Variants in ZDHHC13 observed in about 807,000 individuals in gnomAD.
ZDHHC13 encodes palmitoyltransferase ZDHHC13.
In ZDHHC13, 85 loss-of-function variants were observed where a neutral mutation model predicts 86.0. The ratio of observed to expected loss-of-function variants is 0.99; its 90% CI spans 0.83 to 1.18. ZDHHC13 has a LOEUF of 1.18. ZDHHC13 is among the 50% of genes most tolerant of loss of function. The pLI is 0.00. For missense variants in ZDHHC13, 711 were observed against 730.2 expected (o/e 0.97, Z 0.30); for synonymous variants, 263 against 246.4 (o/e 1.07, Z -0.63).
At chr11:19,168,413 T>G (rs1016309188) in intron 14 of ZDHHC13, 3 of 152,240 alleles carry the variant, frequency 2.0e-5, no homozygotes, top group Non-Finnish European at 2.9e-5. Flanking sequence ...TCCATCACAT[T>G]CAGTCTTTCC....
At chr11:19,126,719 A>G (rs1365915384) in intron 1 of ZDHHC13, among the ~76,000 whole-genome samples, 3 of 151,774 alleles carry the variant, frequency 2.0e-5, no homozygotes, top group African/African-American at 4.8e-5. Context: ...AACATGCAGT[A>G]TTTGGTTTTC....
intron 15 of ZDHHC13, 52 bp downstream of exon 15, chr11:19,170,620 A>G (rs917519320): frequency 2.8e-6 from 4 of 1,447,654 alleles, no homozygotes; most frequent in Middle Eastern, 1.8e-4. Context: ...TAAAACTTGT[A>G]GTGAGACAGC....
In ZDHHC13 at chr11:19,149,332, G is replaced by A. The variant is rs1486284174; in HGVS notation, c.519+1G>A. ...AGCATATCTCATCTCAAAGGGACAG[G>A]TATGTTCTGAAATGTGTCTTATACT... On this transcript the variant is annotated splice_donor_variant, in intron 5 of 16. Transcript: ENST00000446113. LOFTEE classifies it high-confidence loss of function. 3 of 1,585,694 alleles carry A rather than the reference G, an allele frequency of 1.9e-6. No homozygotes were observed. Among genetic ancestry groups the A allele is most frequent in the African/African-American group, 1.3e-5 (1 of 74,528 alleles).
intron 14 of ZDHHC13, chr11:19,169,376 G>A (rs1043785496): frequency 1.0e-6 from 1 of 985,368 alleles, no homozygotes; most frequent in Non-Finnish European, 1.2e-6. Context: ...GAATGCTTCT[G>A]GCATATATTC....
rs1220855468 is a variant in ZDHHC13 at position 19,159,025 on chromosome 11, A to G, written c.1093A>G (p.Ile365Val). 1 of 1,547,766 alleles carries G rather than the reference A, an allele frequency of 6.5e-7. No individual in the cohort carries two copies. Among genetic ancestry groups the G allele is most frequent in the South Asian group, 1.2e-5 (1 of 83,726 alleles). Residue 365 changes from isoleucine to valine, a missense_variant, in exon 10 of 17, where the codon ATC (isoleucine) becomes GTC (valine). Transcript: ENST00000446113. ...TTTTTGGATATTTATGACTTGGTTC[A>G]TCTTATTTTTTCCTGATATCCTTTA... ...SVFWIFMTWF[I>V]LFFPDLAGAP...
intron 1 of ZDHHC13, among the ~76,000 whole-genome samples, chr11:19,125,480 A>G (rs942868515): frequency 6.6e-6 from 1 of 152,200 alleles, no homozygotes; most frequent in African/African-American, 2.4e-5. Context: ...AGAATGCAGA[A>G]CAATTGTAAC....
At position 19,117,253 on chromosome 11, in the gene ZDHHC13, G is replaced by A; in HGVS notation, c.4G>A (p.Glu2Lys). 1 of 1,511,732 alleles carries A rather than the reference G, an allele frequency of 6.6e-7. No individual in the cohort carries two copies. Among genetic ancestry groups the A allele is most frequent in the Middle Eastern group, 2.3e-4 (1 of 4,270 alleles). The allele number at this position is 1,511,732 out of a possible 1,614,324, so 93.6% of individuals were successfully genotyped here. The change falls in exon 1 of 17, where the codon GAG becomes AAG. Residue 2 changes from glutamate to lysine, a missense_variant. Coordinates refer to ENST00000446113, the MANE Select transcript of ZDHHC13 (RefSeq NM_019028.3). This position sits in a 1 kb window ranked among gnomAD's most constrained non-coding sequence, Gnocchi z 4.2. Reference sequence around the variant, plus strand: ...GCCGCTGTGGGCTCCTGGGGAGATGGAGGGGCCGGGGCTGGGCTCGCAGGT... The same window carrying A: ...GCCGCTGTGGGCTCCTGGGGAGATGAAGGGGCCGGGGCTGGGCTCGCAGGT... M[E>K]GPGLGSQCRN...
chr11:19,163,852 C>T (rs1590088450), intron 11 of ZDHHC13, among the ~76,000 whole-genome samples: 1 of 152,132 alleles, frequency 6.6e-6, no homozygotes, highest in African/African-American at 2.4e-5. Context: ...GGCATGTTTT[C>T]CGTTGCTCAT....
intron 1 of ZDHHC13, among the ~76,000 whole-genome samples, chr11:19,140,034 G>A (rs1349328929): frequency 6.7e-6 from 1 of 150,318 alleles, no homozygotes; most frequent in Non-Finnish European, 1.5e-5. Context: ...AACACCAAAA[G>A]CAATGGCAAC....
chr11:19,137,066 G>A (rs1310857204), intron 1 of ZDHHC13, among the ~76,000 whole-genome samples: 3 of 151,850 alleles, frequency 2.0e-5, no homozygotes, highest in African/African-American at 7.3e-5. Context: ...ACACATAACA[G>A]TATTAACTTT....
At chr11:19,130,466 G>T (rs1231439974) in intron 1 of ZDHHC13, among the ~76,000 whole-genome samples, 1 of 151,954 alleles carries the variant, frequency 6.6e-6, no homozygotes, top group Admixed American at 6.6e-5. Flanking sequence ...CTGATCAAAG[G>T]TTTATCACTT....
intron 1 of ZDHHC13, among the ~76,000 whole-genome samples, chr11:19,138,196 A>C (rs1216941710): frequency 5.3e-5 from 8 of 150,946 alleles, no homozygotes; most frequent in Non-Finnish European, 1.2e-4. Context: ...AGAGAGAAGA[A>C]TCAAATAGAT....
chr11:19,143,996 A>G (rs566454307), intron 2 of ZDHHC13, among the ~76,000 whole-genome samples: 6 of 152,330 alleles, frequency 3.9e-5, no homozygotes, highest in African/African-American at 9.6e-5. Flanking sequence ...TATAATTTCT[A>G]TCAGAAGCAA....
At chr11:19,160,257 T>C (rs1003344903) in intron 10 of ZDHHC13, among the ~76,000 whole-genome samples, 17 of 152,022 alleles carry the variant, frequency 1.1e-4, no homozygotes, top group African/African-American at 3.9e-4. Flanking sequence ...ACAGCATACA[T>C]TGGGGCCATT....
intron 6 of ZDHHC13, 24 bp downstream of exon 6, chr11:19,150,815 A>G (rs759636190): frequency 6.3e-6 from 10 of 1,599,034 alleles, no homozygotes; most frequent in Middle Eastern, 1.7e-4. Context: ...AGTCCACTCA[A>G]TCTCATTCTT....
At chr11:19,149,446 T>C in intron 5 of ZDHHC13, 115 bp downstream of exon 5, 1 of 1,091,480 alleles carries the variant, frequency 9.2e-7, no homozygotes, top group Middle Eastern at 3.2e-4. Context: ...TATCCAGATA[T>C]TCAGATATTA....
rs752080702 is a variant in ZDHHC13 at position 19,152,239 on chromosome 11, C to T, written c.666C>T (p.His222=). 2.8e-5 allele frequency: 45 copies of T among 1,613,300 alleles called. No individual in the cohort carries two copies. The highest frequency in any genetic ancestry group is 5.5e-5 in the South Asian group (5 of 91,052). The change falls in exon 7 of 17, where the codon CAC becomes CAT. Residue 222 remains histidine, a synonymous_variant. Transcript: ENST00000446113. Reference sequence around the variant, plus strand: ...AAATACACCAAAACACTCCACTTCACTGGGCAGTTGCAGCAGGAAATGTTA... The same window carrying T: ...AAATACACCAAAACACTCCACTTCATTGGGCAGTTGCAGCAGGAAATGTTA... ...VDKIHQNTPL[H]WAVAAGNVNA... is the part of the protein sequence containing the mutation.
Position 19,165,146 on chromosome 11 carries a change from G to T in ZDHHC13, c.1390+1G>T, listed in dbSNP as rs765970534. The T allele has an allele frequency of 6.2e-7, 1 of 1,609,496 alleles. No homozygotes were observed. The highest frequency in any genetic ancestry group is 1.1e-5 in the South Asian group (1 of 89,934). The stretch of plus-strand genomic sequence containing the variant: ...TGCCTGTGGACTGGACGGTGCATAG[G>T]TGAGAGATTTAATTTTTCAATTACT... On this transcript the variant is annotated splice_donor_variant, in intron 13 of 16. Transcript: ENST00000446113. LOFTEE classifies it high-confidence loss of function.
chr11:19,149,454 T>C, intron 5 of ZDHHC13, 123 bp downstream of exon 5: 1 of 1,032,660 alleles, frequency 9.7e-7, no homozygotes, highest in Non-Finnish European at 1.3e-6. Context: ...TATTCAGATA[T>C]TAGCCTCAGT....
Sources: allele counts gnomAD v4.1 joint callset (sites outside exome capture counted in the v4.1 genomes callset), GRCh38; gene constraint gnomAD v4.1.1; non-coding constraint Gnocchi (gnomAD v3.1); transcripts MANE v1.5; gene names NCBI Gene and HGNC (gene_info 2026-07-23, HGNC 2026-07-21).